ANKRD46: variants seen among roughly 807,000 people sequenced by gnomAD.
ANKRD46 encodes the protein ankyrin repeat domain 46, also known as ankyrin repeat domain-containing protein 46.
ANKRD46 carries 13 observed loss-of-function variants against 19.8 expected under a neutral mutation model. That is an observed-to-expected ratio of 0.66 (90% CI 0.43 to 1.04). The LOEUF (loss-of-function observed/expected upper bound fraction) is 1.04, where lower values mean the gene tolerates loss of function less well. Ranked by LOEUF, ANKRD46 falls within the 50% of genes least tolerant of loss-of-function variation. The pLI is 0.00. For missense variants in ANKRD46, 185 were observed against 274.8 expected (o/e 0.67, Z 2.31); for synonymous variants, 91 against 106.9 (o/e 0.85, Z 0.92).
At chr8:100,517,653 T>G (rs140873307), downstream of ANKRD46, among the ~76,000 whole-genome samples, 1 of 152,220 alleles carries the variant, frequency 6.6e-6, no homozygotes, top group South Asian at 2.1e-4. Context: ...TATGTGTGCT[T>G]TGAGGGGAGC....
At chr8:100,528,731 T>G (rs549658533) in intron 3 of ANKRD46, among the ~76,000 whole-genome samples, 2 of 152,242 alleles carry the variant, frequency 1.3e-5, no homozygotes, top group South Asian at 4.1e-4. Context: ...CCCAATCACA[T>G]TAAATCCTGC....
chr8:100,545,488 C>G lies in ANKRD46; in HGVS notation c.-130-12177G>C, dbSNP rs1472042048. Among the ~76,000 whole-genome samples the G allele has an allele frequency of 4.6e-5, 7 of 152,272 alleles. No individual in the cohort carries two copies. The East Asian group carries it at 1.2e-3, about 25-fold the overall frequency. On this transcript the variant is annotated intron_variant, in intron 1 of 4. Coordinates refer to ENST00000335659, the MANE Select transcript of ANKRD46 (RefSeq NM_001270377.2). This position sits in a 1 kb window ranked among gnomAD's most constrained non-coding sequence, Gnocchi z 4.7. ...TTCCCCATAACCTTCCACCATGATT[C>G]TAAGTTCCTTGAAGCCTCCCCAGCC...
chr8:100,519,751 G>A (rs553579942), downstream of ANKRD46, among the ~76,000 whole-genome samples: 33 of 152,294 alleles, frequency 2.2e-4, no homozygotes, highest in South Asian at 6.8e-3. Flanking sequence ...CTCCACAGGT[G>A]AGGGGGCTCC....
chr8:100,534,660 G>T lies in ANKRD46; in HGVS notation c.-130-1349C>A, dbSNP rs1198079198. On this transcript the variant is annotated intron_variant, in intron 1 of 4. Transcript: ENST00000335659. This position sits in a 1 kb window ranked among gnomAD's most constrained non-coding sequence, Gnocchi z 4.2. ...TGGTAGAGCTCACATTAGGGAAAAA[G>T]AAAAAATTTTGTTTTTCATCTAGAG... is the stretch of plus-strand genomic sequence containing the variant. 6.6e-6 allele frequency among the ~76,000 whole-genome samples: 1 copy of T among 152,130 alleles called. No individual in the cohort carries two copies. Among genetic ancestry groups the T allele is most frequent in the East Asian group, 1.9e-4 (1 of 5,198 alleles).
chr8:100,520,798 G>A lies in ANKRD46; in HGVS notation c.*1757C>T. 1.0e-6 allele frequency: 1 copy of A among 969,582 alleles called. No homozygotes were observed. Among genetic ancestry groups the A allele is most frequent in the Non-Finnish European group, 1.2e-6 (1 of 818,232 alleles). 60.1% of individuals were successfully genotyped at this position (969,582 alleles called of 1,614,324 possible). The stretch of plus-strand genomic sequence containing the variant: ...TAAGGGATATATAAATACATTTATT[G>A]GTGGTATTCCTGAATGATGAATGCA... On this transcript the variant is annotated 3_prime_UTR_variant, in exon 5 of 5. Coordinates refer to ENST00000335659, the MANE Select transcript of ANKRD46 (RefSeq NM_001270377.2).
rs1320833495 is a variant in ANKRD46 at position 100,510,554 on chromosome 8, A to G, written c.*23T>C. ...TCTTTCTTGCCTTCTGAGGCTCAGG[A>G]GCACAGGACACTGACCTAGAGATTA... On this transcript the variant is annotated 3_prime_UTR_variant, in exon 6 of 6. Coordinates refer to the ANKRD46 transcript ENST00000520552. This position sits in a 1 kb window ranked among gnomAD's most constrained non-coding sequence, Gnocchi z 4.9. The G allele has an allele frequency of 1.3e-6, 2 of 1,530,458 alleles. No individual in the cohort carries two copies. Among genetic ancestry groups the G allele is most frequent in the African/African-American group, 2.7e-5 (2 of 72,822 alleles). The allele number at this position is 1,530,458 out of a possible 1,614,324, so 94.8% of individuals were successfully genotyped here.
intron 1 of ANKRD46, among the ~76,000 whole-genome samples, chr8:100,553,675 G>A (rs746075520): frequency 1.3e-5 from 2 of 152,156 alleles, no homozygotes; most frequent in African/African-American, 4.8e-5. Context: ...CTTCAACCCA[G>A]GAGGCGGAAG....
chr8:100,527,740 C>A lies in ANKRD46; in HGVS notation c.470+105G>T. 8.0e-7 allele frequency: 1 copy of A among 1,251,760 alleles called. No homozygotes were observed. The highest frequency in any genetic ancestry group is 1.1e-6 in the Non-Finnish European group (1 of 920,914). 77.5% of individuals were successfully genotyped at this position (1,251,760 alleles called of 1,614,324 possible). A position where few individuals can be genotyped will look rare whatever the true frequency, so the allele number is the denominator to read the frequency against. ...TCTTGCTGGGTGTGGCTACATGTGC[C>A]TATAGTCCCAGCTAGTCAGGAGGCT... is the stretch of plus-strand genomic sequence containing the variant. On this transcript the variant is annotated intron_variant, in intron 4 of 4. Coordinates refer to ENST00000335659, the MANE Select transcript of ANKRD46 (RefSeq NM_001270377.2). The surrounding 1 kb of genome is among the most constrained non-coding windows in gnomAD (Gnocchi z 4.0).
At chr8:100,549,953 T>C (rs1211451627) in intron 1 of ANKRD46, among the ~76,000 whole-genome samples, 2 of 152,224 alleles carry the variant, frequency 1.3e-5, no homozygotes, top group Admixed American at 6.5e-5. Flanking sequence ...CTGTTTCAGA[T>C]TGGCTTCTTT....
At chr8:100,519,116 C>T (rs1407823090), downstream of ANKRD46, among the ~76,000 whole-genome samples, 1 of 152,132 alleles carries the variant, frequency 6.6e-6, no homozygotes, top group Non-Finnish European at 1.5e-5. Context: ...CTTCTAAAAC[C>T]ATTAGTCCAA....
intron 5 of ANKRD46, among the ~76,000 whole-genome samples, chr8:100,513,197 C>G (rs1398434345): frequency 1.3e-5 from 2 of 152,152 alleles, no homozygotes; most frequent in African/African-American, 4.8e-5. Context: ...CTACAGAGCA[C>G]CAGGTCCTTT....
At chr8:100,516,955 C>T (rs537053410), downstream of ANKRD46, among the ~76,000 whole-genome samples, 1 of 152,260 alleles carries the variant, frequency 6.6e-6, no homozygotes, top group African/African-American at 2.4e-5. Context: ...ACAAGAGACC[C>T]CGGTCCCATA....
Position 100,537,373 on chromosome 8 carries a change from G to GA in ANKRD46, c.-130-4063dup, listed in dbSNP as rs1418680368. Among the ~76,000 whole-genome samples, 1 of 151,984 alleles carries GA rather than the reference G, an allele frequency of 6.6e-6. No homozygotes were observed. Among genetic ancestry groups the GA allele is most frequent in the African/African-American group, 2.4e-5 (1 of 41,392 alleles). On this transcript the variant is annotated intron_variant, in intron 1 of 4. Transcript: ENST00000335659. The surrounding 1 kb of genome is among the most constrained non-coding windows in gnomAD (Gnocchi z 4.2). The stretch of plus-strand genomic sequence containing the variant: ...ACCAGACATTTCAACAAAATGCAAG[G>GA]AAAAAACGACATAGCTGGAAAGATA...
At chr8:100,530,949 A>G (rs1563928603) in intron 2 of ANKRD46, among the ~76,000 whole-genome samples, 1 of 152,032 alleles carries the variant, frequency 6.6e-6, no homozygotes, top group African/African-American at 2.4e-5. Context: ...CATCTCTTGG[A>G]CTCATCCAGC....
chr8:100,521,498 T>C lies in ANKRD46; in HGVS notation c.*1057A>G, dbSNP rs11998316. On this transcript the variant is annotated 3_prime_UTR_variant, in exon 5 of 5. Transcript: ENST00000335659. ...GATTTCAATTTACATAATATTACCATTCATAAAGAGTTTATGACACCCAGT... is the reference window on the plus strand; with the variant it reads ...GATTTCAATTTACATAATATTACCACTCATAAAGAGTTTATGACACCCAGT... 2,862 of 985,436 alleles carry C rather than the reference T, an allele frequency of 2.9e-3. 78 individuals carry two copies. The African/African-American group carries it at 0.046, about 16-fold the overall frequency. The allele number at this position is 985,436 out of a possible 1,614,324, so 61.0% of individuals were successfully genotyped here. A position where few individuals can be genotyped will look rare whatever the true frequency, so the allele number is the denominator to read the frequency against.
chr8:100,552,830 T>C (rs1812421747), intron 1 of ANKRD46, among the ~76,000 whole-genome samples: 1 of 152,228 alleles, frequency 6.6e-6, no homozygotes, highest in African/African-American at 2.4e-5. Context: ...CGGGTATCAA[T>C]AAAGGATCTT....
chr8:100,535,074 T>G (rs927174850), intron 1 of ANKRD46, among the ~76,000 whole-genome samples: 5 of 152,256 alleles, frequency 3.3e-5, no homozygotes, highest in Non-Finnish European at 7.3e-5. Context: ...GCCTGCCATT[T>G]TCTTTGGATA....
chr8:100,540,472 TAAC>T (rs1323919248), intron 1 of ANKRD46, among the ~76,000 whole-genome samples: 1 of 152,142 alleles, frequency 6.6e-6, no homozygotes, highest in African/African-American at 2.4e-5. Context: ...TATGGGAAAA[TAAC>T]AATAAAATAT....
At chr8:100,540,880 A>C (rs573550922) in intron 1 of ANKRD46, among the ~76,000 whole-genome samples, 4 of 152,050 alleles carry the variant, frequency 2.6e-5, no homozygotes, top group Non-Finnish European at 2.9e-5. Flanking sequence ...GGAGGTTTCC[A>C]GTTTATAGTC....
Sources: gnomAD v4.1 joint callset for allele counts (sites outside exome capture counted in the v4.1 genomes callset) on GRCh38, gnomAD v4.1.1 for gene constraint, Gnocchi (gnomAD v3.1) non-coding constraint, MANE v1.5 for transcripts, NCBI Gene and HGNC (gene_info 2026-07-23, HGNC 2026-07-21) for gene names.